Variants in PCDH7 observed in about 807,000 individuals in gnomAD.
The protein encoded by PCDH7 is protocadherin-7.
A neutral mutation model predicts 58.9 loss-of-function variants in PCDH7; 17 were observed. The ratio of observed to expected loss-of-function variants is 0.29; its 90% CI spans 0.20 to 0.43. PCDH7 has a LOEUF of 0.43. PCDH7 is among the 20% of genes least tolerant of loss of function. The pLI is 1.00. For synonymous variants in PCDH7, 664 were observed against 616.4 expected, an observed-to-expected ratio of 1.08 and a Z score of -1.14; for missense variants, 1,274 against 1,441.0, an observed-to-expected ratio of 0.88 and a Z score of 1.88.
At chr4:30,947,987 C>T (rs1206810365) in intron 2 of PCDH7, among the ~76,000 whole-genome samples, 10 of 151,948 alleles carry the variant, frequency 6.6e-5, no homozygotes, top group South Asian at 2.1e-4. Flanking sequence ...GTTTATTAGA[C>T]GCTTTAAGAT....
intron 1 of PCDH7, among the ~76,000 whole-genome samples, chr4:30,892,685 T>G (rs1445223520): frequency 1.3e-5 from 2 of 152,086 alleles, no homozygotes; most frequent in African/African-American, 4.8e-5. Flanking sequence ...ATTAAGAATC[T>G]TTTTTGTGAG....
chr4:30,916,384 T>G (rs1171645352), intron 1 of PCDH7, among the ~76,000 whole-genome samples: 1 of 152,214 alleles, frequency 6.6e-6, no homozygotes, highest in Non-Finnish European at 1.5e-5. Context: ...CTAAAGAAAT[T>G]CTTTGATTTT....
intron 3 of PCDH7, among the ~76,000 whole-genome samples, chr4:31,006,149 T>C (rs1376068273): frequency 6.6e-6 from 1 of 152,224 alleles, no homozygotes; most frequent in Admixed American, 6.5e-5. Context: ...AAATCAAATG[T>C]CATTGATTGG....
chr4:30,920,059 A>G (rs1742985858), intron 1 of PCDH7, 94 bp from the exon 2 acceptor site: 1 of 882,944 alleles, frequency 1.1e-6, no homozygotes, highest in African/African-American at 1.8e-5. Context: ...ATTAGTTGCC[A>G]GTAGACCTTA....
chr4:31,055,408 C>A (rs773073880), intron 3 of PCDH7, among the ~76,000 whole-genome samples: 3 of 151,944 alleles, frequency 2.0e-5, no homozygotes, highest in Non-Finnish European at 4.4e-5. Flanking sequence ...TTGGCATCTA[C>A]AAAAGCTTTG....
At chr4:31,085,698 A>T (rs1560211446) in intron 3 of PCDH7, among the ~76,000 whole-genome samples, 1 of 152,088 alleles carries the variant, frequency 6.6e-6, no homozygotes, top group Non-Finnish European at 1.5e-5. Flanking sequence ...AAACCATCTC[A>T]TGTAGGGTGT....
At chr4:31,136,927 C>G (rs1419639105) in intron 3 of PCDH7, among the ~76,000 whole-genome samples, 2 of 151,964 alleles carry the variant, frequency 1.3e-5, no homozygotes, top group Admixed American at 6.6e-5. Context: ...TTTTCTCAGC[C>G]CTATCATATA....
At chr4:31,144,641 G>T (rs1360028460), downstream of PCDH7, 2 of 152,108 alleles carry the variant, frequency 1.3e-5, no homozygotes, top group Non-Finnish European at 2.9e-5. Context: ...TGGAATATAG[G>T]TTGATAATTC....
downstream of PCDH7, among the ~76,000 whole-genome samples, chr4:30,735,002 G>C (rs541750471): frequency 3.9e-5 from 6 of 152,112 alleles, no homozygotes; most frequent in East Asian, 1.2e-3. Context: ...GCAATTCTCT[G>C]ATCTCCCCGC....
At chr4:30,910,035 A>G (rs1199171279) in intron 1 of PCDH7, among the ~76,000 whole-genome samples, 1 of 152,156 alleles carries the variant, frequency 6.6e-6, no homozygotes, top group East Asian at 1.9e-4. Context: ...ATCTACAACC[A>G]TCTGATCTTT....
At chr4:30,825,511 C>T (rs1218029166) in intron 1 of PCDH7, among the ~76,000 whole-genome samples, 1 of 152,094 alleles carries the variant, frequency 6.6e-6, no homozygotes, top group East Asian at 1.9e-4. Context: ...TGCTTCATTT[C>T]CTGAGGATTG....
chr4:30,970,088 G>A (rs2109471673), intron 3 of PCDH7, among the ~76,000 whole-genome samples: 1 of 152,262 alleles, frequency 6.6e-6, no homozygotes, highest in East Asian at 1.9e-4. Flanking sequence ...AGACCACAGA[G>A]CCTGAACCCC....
In PCDH7 at chr4:31,027,068, C is replaced by T. The variant is rs185302418; in HGVS notation, c.*7+76853C>T. On this transcript the variant is annotated intron_variant, in intron 3 of 3. Transcript: ENST00000509759. ...GAATCCTCTGCTGAAGTCCCACAAA[C>T]TTTCGTTCATGATTTGCCATAAGGA... Among the ~76,000 whole-genome samples, 237 of 152,262 alleles carry T rather than the reference C, an allele frequency of 1.6e-3. 1 individual carries two copies. Among genetic ancestry groups the T allele is most frequent in the Non-Finnish European group, 2.3e-3 (155 of 68,022 alleles).
intron 3 of PCDH7, among the ~76,000 whole-genome samples, chr4:30,978,980 C>A (rs924867620): frequency 3.3e-5 from 5 of 151,688 alleles, no homozygotes; most frequent in African/African-American, 9.7e-5. Flanking sequence ...CACAAAGAAA[C>A]CATGTGTAAT....
chr4:30,997,947 C>G (rs1246092477), intron 3 of PCDH7, among the ~76,000 whole-genome samples: 2 of 151,886 alleles, frequency 1.3e-5, no homozygotes, highest in African/African-American at 2.4e-5. Context: ...AAAAATAAGC[C>G]TCTAAAGGAA....
chr4:31,077,352 T>G (rs1374044770), intron 3 of PCDH7, among the ~76,000 whole-genome samples: 1 of 144,160 alleles, frequency 6.9e-6, no homozygotes, highest in East Asian at 2.0e-4. Flanking sequence ...GAGGTTGCAG[T>G]GAGCTGAGAT....
intron 3 of PCDH7, among the ~76,000 whole-genome samples, chr4:31,080,087 T>C (rs997329104): frequency 2.6e-5 from 4 of 152,162 alleles, no homozygotes; most frequent in African/African-American, 7.2e-5. Context: ...TTCAACATAT[T>C]TAACTTAGCT....
chr4:30,898,753 G>C (rs1739793992), intron 1 of PCDH7, among the ~76,000 whole-genome samples: 2 of 152,240 alleles, frequency 1.3e-5, no homozygotes, highest in Admixed American at 6.5e-5. Context: ...ACCACGCCCG[G>C]CTAATTTTTT....
chr4:31,032,874 A>G (rs1470619868), intron 3 of PCDH7, among the ~76,000 whole-genome samples: 1 of 152,196 alleles, frequency 6.6e-6, no homozygotes, highest in Admixed American at 6.5e-5. Context: ...AGAATCTATT[A>G]ATGGACAGTT....
Sources: gnomAD v4.1 joint callset for allele counts (sites outside exome capture counted in the v4.1 genomes callset) on GRCh38, gnomAD v4.1.1 for gene constraint, MANE v1.5 for transcripts, NCBI Gene and HGNC (gene_info 2026-07-23, HGNC 2026-07-21) for gene names.